CCDC171: variants seen among roughly 807,000 people sequenced by gnomAD.
CCDC171 encodes coiled-coil domain containing 171, also known as coiled-coil domain-containing protein 171.
In CCDC171, 177 loss-of-function variants were observed where a neutral mutation model predicts 168.2. The observed-to-expected ratio is 1.05, with a 90% confidence interval of 0.93 to 1.19. The LOEUF (loss-of-function observed/expected upper bound fraction) is 1.19, where lower values mean the gene tolerates loss of function less well. Ranked by LOEUF, CCDC171 falls within the 50% of genes most tolerant of loss-of-function variation. CCDC171 has a pLI of 0.00. For synonymous variants in CCDC171, 687 were observed against 540.8 expected (o/e 1.27, Z -3.75); for missense variants, 1,991 against 1,539.0 (o/e 1.29, Z -4.91).
At chr9:15,958,843 C>G (rs1830074701) in intron 25 of CCDC171, among the ~76,000 whole-genome samples, 1 of 152,048 alleles carries the variant, frequency 6.6e-6, no homozygotes, top group Non-Finnish European at 1.5e-5. Context: ...CAGAAGGTGT[C>G]ACAGACCAAA....
At chr9:16,021,443 A>G (rs1833160759) in intron 4 of CCDC171, among the ~76,000 whole-genome samples, 1 of 152,148 alleles carries the variant, frequency 6.6e-6, no homozygotes, top group Admixed American at 6.5e-5. Flanking sequence ...TTCCTCTAAG[A>G]TTTTTTACAT....
chr9:16,054,406 C>T (rs1487523968), intron 1 of CCDC171, among the ~76,000 whole-genome samples: 3 of 152,106 alleles, frequency 2.0e-5, no homozygotes, highest in Non-Finnish European at 2.9e-5. Context: ...CAGGAGGTAA[C>T]GTTAGAGTGA....
At chr9:15,942,964 C>G (rs751638924) in intron 25 of CCDC171, among the ~76,000 whole-genome samples, 1 of 151,940 alleles carries the variant, frequency 6.6e-6, no homozygotes, top group Non-Finnish European at 1.5e-5. Flanking sequence ...CTGAGAATAG[C>G]TCTGAACTCT....
chr9:15,995,050 A>T lies in CCDC171; in HGVS notation n.369-25539A>T, dbSNP rs145921692. 1.6e-4 allele frequency among the ~76,000 whole-genome samples: 24 copies of T among 152,334 alleles called. No individual in the cohort carries two copies. In the East Asian group the frequency reaches 3.5e-3, roughly 22 times the overall value. On this transcript the variant is annotated intron_variant and non_coding_transcript_variant, in intron 3 of 9. Coordinates refer to the CCDC171 transcript ENST00000486641. ...AGTTGCTGTATTCCAAGCATTGGCAACAGAATATATGGCATCCTTCATGCT... is the reference window on the plus strand; with the variant it reads ...AGTTGCTGTATTCCAAGCATTGGCATCAGAATATATGGCATCCTTCATGCT...
intron 6 of CCDC171, among the ~76,000 whole-genome samples, chr9:15,618,740 C>T (rs1008413660): frequency 1.1e-4 from 17 of 152,088 alleles, no homozygotes; most frequent in Non-Finnish European, 1.9e-4. Flanking sequence ...TCCCCACTTC[C>T]CCTGGCTGGC....
At chr9:16,060,777 A>G (rs1564140184) in exon 2 of CCDC171, 1 of 152,248 alleles carries the variant, frequency 6.6e-6, no homozygotes, top group Non-Finnish European at 1.5e-5. Context: ...GAACAGCAGA[A>G]AAAGACCTGA....
intron 18 of CCDC171, among the ~76,000 whole-genome samples, chr9:15,746,100 C>T (rs1379191454): frequency 6.6e-6 from 1 of 152,038 alleles, no homozygotes; most frequent in African/African-American, 2.4e-5. Context: ...TGCTCCTTTC[C>T]ACCTGGTGTG....
At chr9:15,632,894 C>G (rs999325831) in intron 7 of CCDC171, among the ~76,000 whole-genome samples, 2 of 152,156 alleles carry the variant, frequency 1.3e-5, no homozygotes, top group Non-Finnish European at 2.9e-5. Flanking sequence ...TGATCTTTGA[C>G]AAACCTGAGA....
intron 1 of CCDC171, among the ~76,000 whole-genome samples, chr9:16,050,390 A>G (rs1833731694): frequency 6.6e-6 from 1 of 152,238 alleles, no homozygotes; most frequent in African/African-American, 2.4e-5. Context: ...TTTGTAGACC[A>G]TAATCACTGT....
chr9:15,554,049 T>C (rs1229957443), intron 1 of CCDC171, among the ~76,000 whole-genome samples: 1 of 150,812 alleles, frequency 6.6e-6, no homozygotes, highest in Non-Finnish European at 1.5e-5. Context: ...AGATGGAGTC[T>C]TGCTCTGTCA....
intron 7 of CCDC171, among the ~76,000 whole-genome samples, chr9:15,642,330 C>T (rs865852286): frequency 5.3e-5 from 2 of 37,912 alleles, no homozygotes; most frequent in East Asian, 2.2e-3. Flanking sequence ...TATATATATA[C>T]ACGTGTGTGT....
At chr9:15,918,551 A>G (rs914082041) in intron 24 of CCDC171, among the ~76,000 whole-genome samples, 1 of 151,622 alleles carries the variant, frequency 6.6e-6, no homozygotes, top group Non-Finnish European at 1.5e-5. Flanking sequence ...CAAGTTTCTG[A>G]TTTTCACATA....
the CCDC171 span, among the ~76,000 whole-genome samples, chr9:16,079,678 C>T: frequency 2.3e-4 from 35 of 152,334 alleles, no homozygotes; most frequent in Non-Finnish European, 4.6e-4. Flanking sequence ...ATCTCCAGAA[C>T]TGTGAGACGA....
chr9:15,662,288 C>G (rs565707241), intron 8 of CCDC171, among the ~76,000 whole-genome samples: 1 of 151,732 alleles, frequency 6.6e-6, no homozygotes, highest in Admixed American at 6.6e-5. Flanking sequence ...ATCCCCCCTC[C>G]CCCCCAAAAA....
At chr9:15,643,340 G>C (rs180809979) in intron 7 of CCDC171, among the ~76,000 whole-genome samples, 27 of 152,030 alleles carry the variant, frequency 1.8e-4, no homozygotes, top group African/African-American at 6.5e-4. Flanking sequence ...ATTAGCATTG[G>C]GCCCATCTGG....
At chr9:15,610,469 A>AAAAAAAAAAC (rs2043587468) in intron 6 of CCDC171, among the ~76,000 whole-genome samples, 1 of 136,272 alleles carries the variant, frequency 7.3e-6, no homozygotes, top group Non-Finnish European at 1.6e-5. Context: ...AAAAAAAAAA[A>AAAAAAAAAAC]AAAAAAAAAA....
intron 25 of CCDC171, among the ~76,000 whole-genome samples, chr9:15,931,640 C>T (rs894877582): frequency 6.6e-6 from 1 of 151,144 alleles, no homozygotes; most frequent in African/African-American, 2.4e-5. Context: ...TCACATTTGT[C>T]CATTTTTGTT....
In CCDC171 at chr9:15,729,808, C is replaced by T. The variant is rs370569552; in HGVS notation, c.2049+10C>T. 26 of 1,588,712 alleles carry T rather than the reference C, an allele frequency of 1.6e-5. No individual in the cohort carries two copies. The highest frequency in any genetic ancestry group is 2.2e-5 in the Non-Finnish European group (26 of 1,166,756). ...GCAGAAGAGGGCACAGGTATGCTAC[C>T]TTTACAAAGAGCTTTAAAAAATGGG... On this transcript the variant is annotated intron_variant, in intron 16 of 25. Transcript: ENST00000380701.
At chr9:15,896,256 A>G (rs529080056) in intron 24 of CCDC171, among the ~76,000 whole-genome samples, 13 of 152,160 alleles carry the variant, frequency 8.5e-5, no homozygotes, top group Non-Finnish European at 7.4e-5. Flanking sequence ...TGTATATGCC[A>G]TGGTTGAGTG....
Sources: allele counts gnomAD v4.1 joint callset (sites outside exome capture counted in the v4.1 genomes callset), GRCh38; gene constraint gnomAD v4.1.1; transcripts MANE v1.5; gene names NCBI Gene and HGNC (gene_info 2026-07-23, HGNC 2026-07-21).